ZNF660: variants seen among roughly 807,000 people sequenced by gnomAD.
ZNF660 encodes zinc finger protein 660.
Under a neutral mutation model 23.2 loss-of-function variants are expected in ZNF660, and 24 were observed. That is an observed-to-expected ratio of 1.04 (90% CI 0.75 to 1.46). The LOEUF (loss-of-function observed/expected upper bound fraction) is 1.46. Among genes scored for constraint, ZNF660 ranks in the 40% most tolerant of loss-of-function variants. ZNF660 has a pLI of 0.00. For missense variants in ZNF660, 373 were observed against 396.8 expected (o/e 0.94, Z 0.51); for synonymous variants, 117 against 131.4 (o/e 0.89, Z 0.75).
chr3:44,591,867 G>C (rs1262407234), intron 2 of ZNF660, among the ~76,000 whole-genome samples: 2 of 152,086 alleles, frequency 1.3e-5, no homozygotes, highest in African/African-American at 4.8e-5. Flanking sequence ...CGTGGTGGCA[G>C]ACGCCTGTAA....
intron 2 of ZNF660, among the ~76,000 whole-genome samples, chr3:44,591,430 ATC>A (rs1700422026): frequency 6.6e-6 from 1 of 152,212 alleles, no homozygotes; most frequent in Non-Finnish European, 1.5e-5. Context: ...TGCTCAGCCC[ATC>A]AAACTTTTTT....
intron 1 of ZNF660, 141 bp downstream of exon 1, chr3:44,585,148 C>T (rs1352050505): frequency 6.6e-6 from 1 of 152,372 alleles, no homozygotes; most frequent in Non-Finnish European, 1.5e-5. Flanking sequence ...CGTTGTGGGC[C>T]TCCCCTTTCT....
Position 44,594,437 on chromosome 3 carries a change from G to A in ZNF660, c.244G>A (p.Glu82Lys), listed in dbSNP as rs778678893. Residue 82 changes from glutamate to lysine, a missense_variant, in exon 3 of 3, where the codon GAG (glutamate) becomes AAG (lysine). Transcript: ENST00000322734. ...GGGAGAGAAACCCTATAAGTGTAAG[G>A]AGTGTGGAAAAGCTTTCAGTCATAG... Reference protein sequence around the residue: ...HTGEKPYKCKECGKAFSHSSN... With the variant: ...HTGEKPYKCKKCGKAFSHSSN... 6.2e-7 allele frequency: 1 copy of A among 1,614,080 alleles called. No homozygotes were observed. Among genetic ancestry groups the A allele is most frequent in the South Asian group, 1.1e-5 (1 of 91,070 alleles).
rs1172048866 is a variant in ZNF660, at chr3:44,594,228, C to T, written c.35C>T (p.Thr12Ile). 6.2e-7 allele frequency: 1 copy of T among 1,613,748 alleles called. No individual in the cohort carries two copies. The highest frequency in any genetic ancestry group is 1.1e-5 in the South Asian group (1 of 91,072). The change falls in exon 3 of 3, where the codon ACA becomes ATA. Residue 12 changes from threonine (T) to isoleucine (I), a missense_variant. By Grantham distance (89) the Thr-to-Ile change is moderately conservative. Coordinates refer to ENST00000322734, the MANE Select transcript of ZNF660 (RefSeq NM_173658.4). The part of the protein sequence containing the change: ...RRKTRNFKHK[T>I]VKDNKVLTEG... The stretch of plus-strand genomic sequence containing the variant: ...AAGACAAGAAATTTCAAACATAAGA[C>T]AGTTAAAGACAATAAAGTACTCACA...
chr3:44,592,506 G>GAATAA (rs1302477503), intron 2 of ZNF660, among the ~76,000 whole-genome samples: 41 of 152,252 alleles, frequency 2.7e-4, no homozygotes, highest in African/African-American at 9.9e-4. Flanking sequence ...CAAACCAGTT[G>GAATAA]GGAAATTCCT....
rs767548351 is a variant in ZNF660 at position 44,594,190 on chromosome 3, G to A, written c.-4G>A. 9 of 1,613,020 alleles carry A rather than the reference G, an allele frequency of 5.6e-6. No individual in the cohort carries two copies. In the South Asian group the frequency reaches 9.9e-5, roughly 18 times the overall value. ...GGACACTGGTATGTTCCAAGCAGGA[G>A]AAAATGAGGAGAAAGACAAGAAATT... On this transcript the variant is annotated 5_prime_UTR_variant, in exon 3 of 3. Coordinates refer to ENST00000322734, the MANE Select transcript of ZNF660 (RefSeq NM_173658.4).
At position 44,595,359 on chromosome 3, in the gene ZNF660, A is replaced by C. The variant is rs528518509; in HGVS notation, c.*170A>C. 114 of 705,088 alleles carry C rather than the reference A, an allele frequency of 1.6e-4. 2 individuals carry two copies. In the South Asian group the frequency reaches 4.5e-3, roughly 28 times the overall value. The allele number at this position is 705,088 out of a possible 1,614,324, so 43.7% of individuals were successfully genotyped here. A position where few individuals can be genotyped will look rare whatever the true frequency, so the allele number is the denominator to read the frequency against. ...TCATGACAGCATCATATACGACTGA[A>C]AGAAGAAAACTAGATTTTCAACATT... is the stretch of plus-strand genomic sequence containing the variant. On this transcript the variant is annotated 3_prime_UTR_variant, in exon 3 of 3. Coordinates refer to ENST00000322734, the MANE Select transcript of ZNF660 (RefSeq NM_173658.4).
At chr3:44,591,764 G>A (rs1412404789) in intron 2 of ZNF660, among the ~76,000 whole-genome samples, 3 of 152,230 alleles carry the variant, frequency 2.0e-5, no homozygotes, top group African/African-American at 7.2e-5. Flanking sequence ...GGAGGCCGAG[G>A]CAGGTGGATC....
rs1172635940 is a variant in ZNF660, at chr3:44,599,528, ATTG to A, written c.*4342_*4344del. 2 of 152,012 alleles carry A rather than the reference ATTG, an allele frequency of 1.3e-5. No homozygotes were observed. Among genetic ancestry groups the A allele is most frequent in the Non-Finnish European group, 2.9e-5 (2 of 67,996 alleles). The allele number at this position is 152,012 out of a possible 1,614,324, so 9.4% of individuals were successfully genotyped here. On this transcript the variant is annotated 3_prime_UTR_variant, in exon 3 of 3. Transcript: ENST00000322734. ...ACCCTCAGCAGGACTTCCTTTCTTG[ATTG>A]TTTTTTCCATTTAATATAAAATTTA...
At position 44,594,834 on chromosome 3, in the gene ZNF660, G is replaced by A. The variant is rs777496674; in HGVS notation, c.641G>A (p.Gly214Glu). 6.2e-7 allele frequency: 1 copy of A among 1,614,176 alleles called. No individual in the cohort carries two copies. Among genetic ancestry groups the A allele is most frequent in the African/African-American group, 1.3e-5 (1 of 75,052 alleles). Residue 214 changes from glycine to glutamate, a missense_variant, in exon 3 of 3, where the codon GGA (glycine) becomes GAA (glutamate). Coordinates refer to ENST00000322734, the MANE Select transcript of ZNF660 (RefSeq NM_173658.4). ...ATGGACCATCAGAGAATTCACACTG[G>A]AGAGAAGCCTTATGAATGTGATGAG... ...KIMDHQRIHT[G>E]EKPYECDECG...
At chr3:44,591,136 C>CT (rs1213632104) in intron 2 of ZNF660, among the ~76,000 whole-genome samples, 4 of 149,950 alleles carry the variant, frequency 2.7e-5, no homozygotes, top group East Asian at 3.9e-4. Context: ...ATTGGTCAAA[C>CT]TTTTTTTTTT....
rs1253107376 is a variant in ZNF660 at position 44,594,888 on chromosome 3, CTCTT to C, written c.696_699del (p.Leu233MetfsTer60). 6.2e-7 allele frequency: 1 copy of C among 1,613,920 alleles called. No individual in the cohort carries two copies. Among genetic ancestry groups the C allele is most frequent in the Non-Finnish European group, 8.5e-7 (1 of 1,179,998 alleles). ...GGAAAAACTTTCATCTTAAGGAAAA[CTCTT>C]AATGAACACCAGAGACTTCATCGTA... On this transcript the variant is annotated frameshift_variant, in exon 3 of 3. Transcript: ENST00000322734. LOFTEE classifies it high-confidence loss of function.
chr3:44,596,034 T>A lies in ZNF660; in HGVS notation c.*845T>A, dbSNP rs1402448811. The A allele has an allele frequency of 1.2e-5, 2 of 166,926 alleles. No individual in the cohort carries two copies. The highest frequency in any genetic ancestry group is 1.3e-4 in the Admixed American group (2 of 15,268). The allele number at this position is 166,926 out of a possible 1,614,324, so 10.3% of individuals were successfully genotyped here. A position where few individuals can be genotyped will look rare whatever the true frequency, so the allele number is the denominator to read the frequency against. ...GCAGATGATGGAGAACTACCTAGGC[T>A]TCATCTTTTCAACATATGTCTACAC... On this transcript the variant is annotated 3_prime_UTR_variant, in exon 3 of 3. Coordinates refer to ENST00000322734, the MANE Select transcript of ZNF660 (RefSeq NM_173658.4).
intron 2 of ZNF660, among the ~76,000 whole-genome samples, chr3:44,589,534 G>A (rs114821379): frequency 7.8e-4 from 119 of 152,288 alleles, no homozygotes; most frequent in African/African-American, 2.8e-3. Flanking sequence ...GGTGGTAGTG[G>A]AGGAACTATG....
chr3:44,595,129 G>C lies in ZNF660; in HGVS notation c.936G>C (p.Arg312=), dbSNP rs145969286. Residue 312 remains arginine, a synonymous_variant, in exon 3 of 3, where the codon CGG becomes CGC. Transcript: ENST00000322734. ...YKCSECGKAY[R]YSSQLIQHQR... The stretch of plus-strand genomic sequence containing the variant: ...GTAGTGAGTGTGGGAAAGCCTATCG[G>C]TATAGTTCACAGCTTATTCAACACC... 23 of 1,612,058 alleles carry C rather than the reference G, an allele frequency of 1.4e-5. No individual in the cohort carries two copies. In the African/African-American group the frequency reaches 2.8e-4, roughly 20 times the overall value.
rs1377568207 is a variant in ZNF660 at position 44,586,151 on chromosome 3, G to T, written c.-243G>T. ...ACTTCTTCACTGAACTCAAGGAGGA[G>T]ATCAGGCAAGATCTGTGCTGTGCAG... On this transcript the variant is annotated 5_prime_UTR_variant, in exon 2 of 3. Coordinates refer to ENST00000322734, the MANE Select transcript of ZNF660 (RefSeq NM_173658.4). 6.6e-6 allele frequency: 1 copy of T among 152,218 alleles called. No homozygotes were observed. The highest frequency in any genetic ancestry group is 1.5e-5 in the Non-Finnish European group (1 of 68,050). The allele number at this position is 152,218 out of a possible 1,614,324, so 9.4% of individuals were successfully genotyped here.
intron 2 of ZNF660, among the ~76,000 whole-genome samples, chr3:44,593,288 T>C (rs1310967224): frequency 1.3e-5 from 2 of 152,186 alleles, no homozygotes; most frequent in East Asian, 1.9e-4. Context: ...ACCTTTTACA[T>C]ACTGGCCACA....
At chr3:44,589,513 A>G (rs1700343827) in intron 2 of ZNF660, among the ~76,000 whole-genome samples, 1 of 152,180 alleles carries the variant, frequency 6.6e-6, no homozygotes, top group Non-Finnish European at 1.5e-5. Flanking sequence ...AGAAACGTGA[A>G]TGTTCTGGGA....
In ZNF660 at chr3:44,594,178, T is replaced by A. The variant is rs201564132; in HGVS notation, c.-16T>A. On this transcript the variant is annotated 5_prime_UTR_variant, in exon 3 of 3. Coordinates refer to ENST00000322734, the MANE Select transcript of ZNF660 (RefSeq NM_173658.4). ...GAAGACTAGAGAGGACACTGGTATG[T>A]TCCAAGCAGGAGAAAATGAGGAGAA... 92 of 1,612,758 alleles carry A rather than the reference T, an allele frequency of 5.7e-5. No homozygotes were observed. The highest frequency in any genetic ancestry group is 3.3e-4 in the Middle Eastern group (2 of 6,060).
Sources: allele counts gnomAD v4.1 joint callset (sites outside exome capture counted in the v4.1 genomes callset), GRCh38; gene constraint gnomAD v4.1.1; transcripts MANE v1.5; gene names NCBI Gene and HGNC (gene_info 2026-07-23, HGNC 2026-07-21).